RSPH10B: variants seen among roughly 807,000 people sequenced by gnomAD.
RSPH10B encodes radial spoke head 10 homolog B (Chlamydomonas).
In RSPH10B, 7 loss-of-function variants were observed where a neutral mutation model predicts 52.5. That is an observed-to-expected ratio of 0.13 (90% CI 0.08 to 0.25). RSPH10B has a LOEUF of 0.25. Ranked by LOEUF, RSPH10B falls within the 10% of genes least tolerant of loss-of-function variation. RSPH10B has a pLI of 1.00. For synonymous variants in RSPH10B, 28 were observed against 193.2 expected (o/e 0.14, Z 7.09); for missense variants, 89 against 542.5 (o/e 0.16, Z 8.30).
intron 16 of RSPH10B, among the ~76,000 whole-genome samples, chr7:5,933,551 A>G (rs1779878611): frequency 7.2e-6 from 1 of 139,418 alleles, no homozygotes. Context: ...CAAGGTCAGG[A>G]GATCGAGACC....
chr7:5,942,905 T>C (rs6946887), intron 13 of RSPH10B, among the ~76,000 whole-genome samples: 26,418 of 124,704 alleles, frequency 0.21, 1,263 homozygotes, highest in Admixed American at 0.29. Flanking sequence ...ATTATATATA[T>C]ATTTATTTAT....
chr7:5,967,151 AT>A, exon 1 of RSPH10B: 1 of 512,660 alleles, frequency 2.0e-6, no homozygotes, highest in Non-Finnish European at 3.3e-6. Context: ...CTTGAATCAA[AT>A]GATTTCTTTG....
intron 11 of RSPH10B, among the ~76,000 whole-genome samples, 162 bp from the exon 14 acceptor site, chr7:5,944,152 T>A (rs1346321595): frequency 6.6e-6 from 1 of 151,212 alleles, no homozygotes; most frequent in African/African-American, 2.4e-5. Flanking sequence ...ATCCCAGCAT[T>A]TTGGGAGGCC....
chr7:5,950,917 TAGGCCGGGTGTGGTGGCTCAC>T (rs1440943619), intron 9 of RSPH10B, among the ~76,000 whole-genome samples: 8 of 5,188 alleles, frequency 1.5e-3, no homozygotes, highest in South Asian at 0.013. Context: ...AGCATTGTTC[TAGGCCGGGTGTGGTGGCTCAC>T]ACCCATAATC....
At chr7:5,968,916 GCTCACTGCAAC>G (rs1457548237), upstream of RSPH10B, among the ~76,000 whole-genome samples, 2 of 37,728 alleles carry the variant, frequency 5.3e-5, no homozygotes, top group East Asian at 3.2e-3. Context: ...TGGCTCACTG[GCTCACTGCAAC>G]CTCACTGCAG....
intron 6 of RSPH10B, among the ~76,000 whole-genome samples, chr7:5,956,575 A>T: frequency 7.4e-6 from 1 of 134,466 alleles, no homozygotes; most frequent in Non-Finnish European, 1.7e-5. Flanking sequence ...TTGCTTTTAT[A>T]TATTTTTATT....
chr7:5,959,000 T>C (rs1178341406), exon 5 of RSPH10B: 1 of 1,327,098 alleles, frequency 7.5e-7, no homozygotes, highest in Non-Finnish European at 1.1e-6. Flanking sequence ...TACCATCTTA[T>C]TCCCCAGCCC....
chr7:5,944,161 C>T (rs532311695), intron 11 of RSPH10B, among the ~76,000 whole-genome samples, 171 bp from the exon 14 acceptor site: 1 of 151,258 alleles, frequency 6.6e-6, no homozygotes, highest in South Asian at 2.1e-4. Context: ...TTTTGGGAGG[C>T]CAAGGTGGGC....
chr7:5,944,322 T>C (rs1179597065), intron 11 of RSPH10B, among the ~76,000 whole-genome samples: 1 of 150,588 alleles, frequency 6.6e-6, no homozygotes, highest in African/African-American at 2.5e-5. Flanking sequence ...CACTGGAACC[T>C]GGGAGGTGGA....
chr7:5,927,022 CGTGT>C (rs373901374), intron 18 of RSPH10B, among the ~76,000 whole-genome samples: 126 of 95,980 alleles, frequency 1.3e-3, no homozygotes, highest in African/African-American at 4.8e-3. Context: ...CCCAAAGTTA[CGTGT>C]GTGTGTGTGT....
chr7:5,939,752 T>A (rs1292665921), intron 13 of RSPH10B, among the ~76,000 whole-genome samples: 1 of 33,680 alleles, frequency 3.0e-5, no homozygotes, highest in Non-Finnish European at 6.3e-5. Context: ...GTGTGAAATA[T>A]TAACACGATG....
Position 5,947,889 on chromosome 7 carries a change from T to A in RSPH10B, c.1414+331A>T, listed in dbSNP as rs1415396060. 1.8e-4 allele frequency among the ~76,000 whole-genome samples: 18 copies of A among 97,724 alleles called. 2 individuals carry two copies. Among genetic ancestry groups the A allele is most frequent in the African/African-American group, 4.4e-4 (11 of 25,238 alleles). 64.1% of individuals were successfully genotyped at this position (97,724 alleles called of 152,430 possible). A position where few individuals can be genotyped will look rare whatever the true frequency, so the allele number is the denominator to read the frequency against. Reference sequence around the variant, plus strand: ...GTGTGTGTGTGTGTGTGTGTGTGTGTGTGATGGAGTCTCGCCCTGTCACCC... The same window carrying A: ...GTGTGTGTGTGTGTGTGTGTGTGTGAGTGATGGAGTCTCGCCCTGTCACCC... On this transcript the variant is annotated intron_variant, in intron 10 of 18. Coordinates refer to ENST00000337579, the Ensembl canonical transcript of RSPH10B.
intron 14 of RSPH10B, among the ~76,000 whole-genome samples, chr7:5,938,305 T>C (rs35891587): frequency 0.25 from 25,212 of 102,254 alleles, 1,323 homozygotes; most frequent in East Asian, 0.32. Context: ...CGGTGGCTCA[T>C]GCCTGTAATC....
rs1215740119 is a variant in RSPH10B, at chr7:5,944,505, CTATT to C, written c.1530-519_1530-516del. ...CATAAGAAAGAAGACTTGGTTGTGACTATTTGTTTCTGCATTAGAAACCCCGAGA... is the reference window on the plus strand; with the variant it reads ...CATAAGAAAGAAGACTTGGTTGTGACTGTTTCTGCATTAGAAACCCCGAGA... On this transcript the variant is annotated intron_variant, in intron 11 of 18. Coordinates refer to ENST00000337579, the Ensembl canonical transcript of RSPH10B. Among the ~76,000 whole-genome samples the C allele has an allele frequency of 1.4e-3, 212 of 149,702 alleles. 3 individuals carry two copies. Among genetic ancestry groups the C allele is most frequent in the African/African-American group, 5.0e-3 (202 of 40,032 alleles).
exon 5 of RSPH10B, chr7:5,958,994 A>G: frequency 1.5e-6 from 2 of 1,327,112 alleles, no homozygotes. Flanking sequence ...CATACCTACC[A>G]TCTTATTCCC....
At chr7:5,927,619 C>G (rs1413274849) in intron 18 of RSPH10B, among the ~76,000 whole-genome samples, 1 of 142,934 alleles carries the variant, frequency 7.0e-6, no homozygotes, top group African/African-American at 2.8e-5. Context: ...AAAGAGTCCA[C>G]AGGTTTTGAA....
chr7:5,943,105 A>G, intron 13 of RSPH10B: 1 of 1,013,616 alleles, frequency 9.9e-7, no homozygotes, highest in East Asian at 2.7e-5. Flanking sequence ...TCTTGCCCTA[A>G]TCTGTTAGCA....
At chr7:5,950,564 C>T (rs1238815698) in intron 9 of RSPH10B, among the ~76,000 whole-genome samples, 2 of 133,474 alleles carry the variant, frequency 1.5e-5, no homozygotes, top group African/African-American at 5.3e-5. Context: ...AAAGGGACTC[C>T]GTCTCAAAAA....
At chr7:5,944,833 C>T (rs1780406671) in intron 11 of RSPH10B, among the ~76,000 whole-genome samples, 1 of 146,912 alleles carries the variant, frequency 6.8e-6, no homozygotes, top group South Asian at 2.1e-4. Context: ...CATGGTGGCA[C>T]ATGCCTGTCA....
Sources: gnomAD v4.1 joint callset for allele counts (sites outside exome capture counted in the v4.1 genomes callset) on GRCh38, gnomAD v4.1.1 for gene constraint, MANE v1.5 for transcripts, NCBI Gene and HGNC (gene_info 2026-07-23, HGNC 2026-07-21) for gene names.